The following MTMR2 variants were observed in gnomAD, a reference collection of about 807,000 sequenced individuals.
MTMR2 encodes the protein myotubularin related protein 2, also known as phosphatidylinositol-3,5-bisphosphate 3-phosphatase MTMR2.
A neutral mutation model predicts 86.9 loss-of-function variants in MTMR2; 55 were observed. That is an observed-to-expected ratio of 0.63 (90% CI 0.51 to 0.79). The LOEUF is 0.79. Ranked by LOEUF, MTMR2 falls within the 30% of genes least tolerant of loss-of-function variation. The probability of loss-of-function intolerance (pLI) is 0.00; values close to 1 mark genes in which losing one functional copy is unlikely to be tolerated. For synonymous variants in MTMR2, 241 were observed against 266.8 expected (o/e 0.90, Z 0.94); for missense variants, 659 against 772.3 (o/e 0.85, Z 1.74).
intron 1 of MTMR2, among the ~76,000 whole-genome samples, chr11:95,910,426 G>A (rs1866454258): frequency 6.6e-6 from 1 of 151,866 alleles, no homozygotes; most frequent in Non-Finnish European, 1.5e-5. Context: ...AATTAAAGAT[G>A]CAGATGAACA....
At chr11:95,851,289 T>C (rs555686681) in intron 7 of MTMR2, among the ~76,000 whole-genome samples, 1 of 152,052 alleles carries the variant, frequency 6.6e-6, no homozygotes, top group South Asian at 2.1e-4. Context: ...CCTGACCACC[T>C]ACCTTGGCCT....
At chr11:95,857,956 A>G (rs992736163) in intron 6 of MTMR2, among the ~76,000 whole-genome samples, 2 of 152,154 alleles carry the variant, frequency 1.3e-5, no homozygotes, top group Non-Finnish European at 2.9e-5. Flanking sequence ...AAACACAACT[A>G]TGATGTGAAA....
At chr11:95,848,200 C>A (rs925169298) in intron 9 of MTMR2, among the ~76,000 whole-genome samples, 2 of 152,172 alleles carry the variant, frequency 1.3e-5, no homozygotes, top group African/African-American at 4.8e-5. Context: ...CCAGCCCATA[C>A]GCCAAGTCCT....
At chr11:95,909,466 T>C (rs977161449) in intron 1 of MTMR2, among the ~76,000 whole-genome samples, 2 of 152,076 alleles carry the variant, frequency 1.3e-5, no homozygotes, top group African/African-American at 4.8e-5. Flanking sequence ...GGCAGAAAAA[T>C]CTGTCTCCAG....
At chr11:95,904,581 AGATAGTGACG>A (rs1482544319) in intron 1 of MTMR2, among the ~76,000 whole-genome samples, 2 of 152,302 alleles carry the variant, frequency 1.3e-5, no homozygotes, top group Non-Finnish European at 2.9e-5. Context: ...ACCAAAACCA[AGATAGTGACG>A]GAGGTGACCT....
chr11:95,919,545 C>A (rs556159268), intron 1 of MTMR2, among the ~76,000 whole-genome samples: 1 of 152,224 alleles, frequency 6.6e-6, no homozygotes, highest in African/African-American at 2.4e-5. Flanking sequence ...TTAATTAAAA[C>A]GACTAACAAC....
At chr11:95,916,411 A>T (rs1451346512) in intron 1 of MTMR2, among the ~76,000 whole-genome samples, 1 of 152,080 alleles carries the variant, frequency 6.6e-6, no homozygotes, top group East Asian at 1.9e-4. Flanking sequence ...TCAAAGAGAG[A>T]GAGTATGCTC....
chr11:95,908,714 C>A (rs142010362), intron 1 of MTMR2, among the ~76,000 whole-genome samples: 121 of 152,118 alleles, frequency 8.0e-4, no homozygotes, highest in African/African-American at 2.8e-3. Context: ...TCTGATCTGA[C>A]AAAGCTGACA....
chr11:95,840,764 C>G (rs1355062989), intron 12 of MTMR2, among the ~76,000 whole-genome samples: 1 of 152,100 alleles, frequency 6.6e-6, no homozygotes, highest in Non-Finnish European at 1.5e-5. Flanking sequence ...TTTATTGAAG[C>G]TAAAAATATG....
At chr11:95,863,284 T>A (rs1450543305) in intron 3 of MTMR2, among the ~76,000 whole-genome samples, 1 of 152,148 alleles carries the variant, frequency 6.6e-6, no homozygotes, top group African/African-American at 2.4e-5. Context: ...TGGGAAAACT[T>A]GGGGCCATGA....
intron 5 of MTMR2, among the ~76,000 whole-genome samples, chr11:95,861,363 C>A (rs969303157): frequency 6.7e-6 from 1 of 149,980 alleles, no homozygotes; most frequent in African/African-American, 2.4e-5. Context: ...CAATGTGGAA[C>A]TATGTGGTAT....
chr11:95,896,791 T>G (rs1865894161), intron 1 of MTMR2, among the ~76,000 whole-genome samples: 1 of 151,874 alleles, frequency 6.6e-6, no homozygotes, highest in African/African-American at 2.4e-5. Flanking sequence ...TGTTATTGTG[T>G]GCATATTATT....
At chr11:95,919,176 TA>T in intron 1 of MTMR2, among the ~76,000 whole-genome samples, 1 of 152,122 alleles carries the variant, frequency 6.6e-6, no homozygotes, top group East Asian at 1.9e-4. Flanking sequence ...AGGCTAAAAC[TA>T]AAGATGAGAC....
intron 2 of MTMR2, among the ~76,000 whole-genome samples, chr11:95,869,437 C>T (rs561881064): frequency 2.6e-4 from 40 of 152,258 alleles, no homozygotes; most frequent in Middle Eastern, 3.4e-3. Flanking sequence ...TTTTTCTCTG[C>T]TCTAGAGATT....
At chr11:95,917,931 A>T (rs909974753) in intron 1 of MTMR2, among the ~76,000 whole-genome samples, 1 of 152,174 alleles carries the variant, frequency 6.6e-6, no homozygotes, top group Non-Finnish European at 1.5e-5. Flanking sequence ...GTTTCCACTA[A>T]TCTTTCTCAC....
intron 1 of MTMR2, among the ~76,000 whole-genome samples, chr11:95,908,849 A>C (rs1866390896): frequency 6.6e-6 from 1 of 152,138 alleles, no homozygotes; most frequent in Non-Finnish European, 1.5e-5. Context: ...ATTTTCTCAA[A>C]AACAACAAAA....
chr11:95,876,209 A>C (rs939190951), intron 2 of MTMR2, among the ~76,000 whole-genome samples: 14 of 152,102 alleles, frequency 9.2e-5, no homozygotes, highest in Non-Finnish European at 1.9e-4. Context: ...TGGAGTCTTC[A>C]GAGGCAGGCA....
chr11:95,923,244 A>G (rs1370711465), intron 1 of MTMR2, among the ~76,000 whole-genome samples: 1 of 152,246 alleles, frequency 6.6e-6, no homozygotes, highest in Non-Finnish European at 1.5e-5. Flanking sequence ...TCTTAAACCT[A>G]TCACTGGGGA....
chr11:95,860,501 CAAAAA>C (rs372629859), intron 5 of MTMR2, among the ~76,000 whole-genome samples: 1 of 150,048 alleles, frequency 6.7e-6, no homozygotes, highest in Admixed American at 6.6e-5. Flanking sequence ...ACTCTTGTCT[CAAAAA>C]AAAAGAAAAC....
Sources: gnomAD v4.1 joint callset for allele counts (sites outside exome capture counted in the v4.1 genomes callset) on GRCh38, gnomAD v4.1.1 for gene constraint, MANE v1.5 for transcripts, NCBI Gene and HGNC (gene_info 2026-07-23, HGNC 2026-07-21) for gene names.